Variants in PRG2 observed in about 807,000 individuals in gnomAD.
PRG2 encodes the protein bone marrow proteoglycan.
In PRG2, 23 loss-of-function variants were observed where a neutral mutation model predicts 24.7. The observed-to-expected ratio is 0.93, with a 90% CI of 0.67 to 1.32. PRG2 has a LOEUF of 1.32. Among genes scored for constraint, PRG2 ranks in the 40% most tolerant of loss-of-function variants. The pLI, the probability that PRG2 is intolerant of heterozygous loss-of-function variation, is 0.00. For synonymous variants in PRG2, 104 were observed against 99.8 expected (o/e 1.04, Z -0.25); for missense variants, 271 against 280.9 (o/e 0.96, Z 0.25).
At position 57,387,856 on chromosome 11, in the gene PRG2, T is replaced by G; in HGVS notation, c.508A>C (p.Arg170=). ...CTGCCGTCAACCCACTGAAAGCGTC[T>G]GCAGCGACCCTGGAGAAAGCAAGAG... ...GGRITGSGRC[R]RFQWVDGSRW... is the part of the protein sequence containing the mutation. The change falls in exon 5 of 6, where the codon AGA becomes CGA. Residue 170 remains arginine (R), a synonymous_variant. Transcript: ENST00000311862. The G allele has an allele frequency of 6.4e-7, 1 of 1,568,294 alleles. No individual in the cohort carries two copies. The highest frequency in any genetic ancestry group is 1.3e-5 in the African/African-American group (1 of 74,554).
Position 57,389,269 on chromosome 11 carries a change from G to A in PRG2, c.107C>T (p.Pro36Leu), listed in dbSNP as rs776620611. ...FETPLGAKTL[P>L]EDEETPEQEM... is the part of the protein sequence containing the mutation. ...CTGCTCTGGTGTCTCCTCATCCTCA[G>A]GCAGCGTCTTAGCACCCAAAGGGGT... Residue 36 changes from proline (P) to leucine (L), a missense_variant, in exon 3 of 6, where the codon CCT becomes CTT. Transcript: ENST00000311862. 26 of 1,613,984 alleles carry A rather than the reference G, an allele frequency of 1.6e-5. 1 individual carries two copies. The South Asian group carries it at 2.7e-4, about 17-fold the overall frequency.
Position 57,388,655 on chromosome 11 carries a change from A to T in PRG2, c.420T>A (p.Asn140Lys). 1 of 1,614,044 alleles carries T rather than the reference A, an allele frequency of 6.2e-7. No homozygotes were observed. Among genetic ancestry groups the T allele is most frequent in the Non-Finnish European group, 8.5e-7 (1 of 1,179,958 alleles). The change falls in exon 4 of 6, where the codon AAT (asparagine) becomes AAA (lysine). Residue 140 changes from asparagine to lysine, a missense_variant. Transcript: ENST00000311862. ...CAGAACACTGGATTCGATAATTAAT[A>T]TTGAAGTTGTGGATGGAAACCAGGT... ...RGNLVSIHNF[N>K]INYRIQCSVS...
intron 5 of PRG2, 69 bp from the exon 6 acceptor site, chr11:57,387,602 CT>C: frequency 6.7e-7 from 1 of 1,495,472 alleles, no homozygotes. Flanking sequence ...AGGAGGGCCT[CT>C]TTTCCCACCC....
In PRG2 at chr11:57,387,538, G is replaced by A. The variant is rs778342023; in HGVS notation, c.611-5C>T. The stretch of plus-strand genomic sequence containing the variant: ...GGGCTCGACGCCAGTGGCCTCCTGT[G>A]AAGGCAGAACAGAAAGGGACTTTCA... On this transcript the variant is annotated splice_region_variant and splice_polypyrimidine_tract_variant and intron_variant, in intron 5 of 5. Coordinates refer to ENST00000311862, the MANE Select transcript of PRG2 (RefSeq NM_002728.6). 3 of 1,612,962 alleles carry A rather than the reference G, an allele frequency of 1.9e-6. No individual in the cohort carries two copies. The highest frequency in any genetic ancestry group is 1.7e-5 in the Admixed American group (1 of 59,996).
Position 57,387,272 on chromosome 11 carries a change from A to C in PRG2, c.*203T>G. The C allele has an allele frequency of 1.9e-6, 1 of 526,440 alleles. No individual in the cohort carries two copies. The highest frequency in any genetic ancestry group is 3.3e-6 in the Non-Finnish European group (1 of 298,870). 32.6% of individuals were successfully genotyped at this position (526,440 alleles called of 1,614,324 possible). A position where few individuals can be genotyped will look rare whatever the true frequency, so the allele number is the denominator to read the frequency against. On this transcript the variant is annotated 3_prime_UTR_variant, in exon 6 of 6. Transcript: ENST00000311862. ...AGGAGTAGTAGCTTCTGACACTTCTATGAAAGTTGTGGTGTGGGGAGAGAT... is the reference window on the plus strand; with the variant it reads ...AGGAGTAGTAGCTTCTGACACTTCTCTGAAAGTTGTGGTGTGGGGAGAGAT...
Position 57,389,402 on chromosome 11 carries a change from G to C in PRG2, c.59-85C>G, listed in dbSNP as rs114258354. The C allele has an allele frequency of 5.1e-4, 718 of 1,411,620 alleles. 6 individuals are homozygous for C. The African/African-American group carries it at 9.4e-3, about 19-fold the overall frequency. 87.4% of individuals were successfully genotyped at this position (1,411,620 alleles called of 1,614,324 possible). A position where few individuals can be genotyped will look rare whatever the true frequency, so the allele number is the denominator to read the frequency against. On this transcript the variant is annotated intron_variant, in intron 2 of 5. Transcript: ENST00000311862. ...CCACAGACAGCTCACACCTTGCCCTGGGCATCAGAGTGCTCAACTCTGCCT... is the reference window on the plus strand; with the variant it reads ...CCACAGACAGCTCACACCTTGCCCTCGGCATCAGAGTGCTCAACTCTGCCT...
intron 3 of PRG2, 56 bp from the exon 4 acceptor site, chr11:57,388,764 T>G (rs1857098268): frequency 6.3e-7 from 1 of 1,598,898 alleles, no homozygotes; most frequent in Non-Finnish European, 8.5e-7. Context: ...TGAATTCACA[T>G]GGGTCTTGAG....
Position 57,389,015 on chromosome 11 carries a change from C to T in PRG2, c.361G>A (p.Ala121Thr). The T allele has an allele frequency of 6.2e-7, 1 of 1,613,410 alleles. No homozygotes were observed. Reference protein sequence around the residue: ...LVRSLQTFSQAWFTCRRCYRG... With the variant: ...LVRSLQTFSQTWFTCRRCYRG... ...CTCAGCCATAGGCCACTCACCCAAG[C>T]TTGACTAAACGTCTGAAGACTTCTC... The change falls in exon 3 of 6, where the codon GCT becomes ACT. Residue 121 changes from alanine (A) to threonine (T), a missense_variant. By Grantham distance (58) the Ala-to-Thr change is moderately conservative (BLOSUM62 0). Coordinates refer to ENST00000311862, the MANE Select transcript of PRG2 (RefSeq NM_002728.6).
chr11:57,388,164 T>C lies in PRG2; in HGVS notation c.499-299A>G, dbSNP rs541509568. Reference sequence around the variant, plus strand: ...CATGGTCTTGTTTTAATTTTTTTTTTATTTTATTTATTTATTTATTTATTT... The same window carrying C: ...CATGGTCTTGTTTTAATTTTTTTTTCATTTTATTTATTTATTTATTTATTT... On this transcript the variant is annotated intron_variant, in intron 4 of 5. Coordinates refer to ENST00000311862, the MANE Select transcript of PRG2 (RefSeq NM_002728.6). Among the ~76,000 whole-genome samples, 9 of 146,544 alleles carry C rather than the reference T, an allele frequency of 6.1e-5. No individual in the cohort carries two copies. The South Asian group carries it at 2.0e-3, about 32-fold the overall frequency.
chr11:57,389,113 G>T lies in PRG2; in HGVS notation c.263C>A (p.Thr88Lys). The T allele has an allele frequency of 1.2e-6, 2 of 1,614,182 alleles. No homozygotes were observed. Among genetic ancestry groups the T allele is most frequent in the South Asian group, 2.2e-5 (2 of 91,082 alleles). The change falls in exon 3 of 6, where the codon ACG becomes AAG. Residue 88 changes from threonine (T) to lysine (K), a missense_variant. Physicochemically the swap from Thr to Lys is moderately conservative, Grantham distance 78. Transcript: ENST00000311862. Reference sequence around the variant, plus strand: ...TACTGTGTCCTCTTCCTCAGGACACGTAAGGTTTTTGTCCACCATATCTGG... The same window carrying T: ...TACTGTGTCCTCTTCCTCAGGACACTTAAGGTTTTTGTCCACCATATCTGG... Reference protein sequence around the residue: ...SVPDMVDKNLTCPEEEDTVKV... With the variant: ...SVPDMVDKNLKCPEEEDTVKV...
chr11:57,389,425 C>T, intron 2 of PRG2, 108 bp from the exon 3 acceptor site: 1 of 1,242,520 alleles, frequency 8.0e-7, no homozygotes, highest in Non-Finnish European at 1.1e-6. Flanking sequence ...CTCAACTCTG[C>T]CTGGGAAGGG....
In PRG2 at chr11:57,389,892, T is replaced by C; in HGVS notation, c.53A>G (p.His18Arg). ...TGAAGGCAAAAAACACTTACTTAGA[T>C]GAAGAGCAGAAACTGCCCCAAATAG... ...ALLFGAVSAL[H>R]LRSETSTFET... The change falls in exon 2 of 6, where the codon CAT becomes CGT. Residue 18 changes from histidine to arginine, a missense_variant. Transcript: ENST00000311862. The C allele has an allele frequency of 6.2e-7, 1 of 1,610,230 alleles. No individual in the cohort carries two copies. The highest frequency in any genetic ancestry group is 8.5e-7 in the Non-Finnish European group (1 of 1,177,652).
chr11:57,388,497 AAAAC>A, intron 4 of PRG2, 76 bp downstream of exon 4: 1 of 1,580,644 alleles, frequency 6.3e-7, no homozygotes, highest in Non-Finnish European at 8.6e-7. Context: ...ATACAGGAGA[AAAAC>A]AGACAAATCT....
rs1374292687 is a variant in PRG2, at chr11:57,389,201, C to T, written c.175G>A (p.Glu59Lys). ...TPCRELEEEE[E>K]WGSGSEDASK... ...GCATCTTCACTTCCAGAGCCCCACT[C>T]CTCCTCTTCCTCCAGCTCCCTGCAA... Residue 59 changes from glutamate (E) to lysine (K), a missense_variant, in exon 3 of 6, where the codon GAG becomes AAG. Coordinates refer to ENST00000311862, the MANE Select transcript of PRG2 (RefSeq NM_002728.6). 3 of 1,614,216 alleles carry T rather than the reference C, an allele frequency of 1.9e-6. No homozygotes were observed. Among genetic ancestry groups the T allele is most frequent in the Non-Finnish European group, 2.5e-6 (3 of 1,180,038 alleles).
chr11:57,388,353 T>C (rs1857088240), intron 4 of PRG2, among the ~76,000 whole-genome samples: 1 of 151,956 alleles, frequency 6.6e-6, no homozygotes, highest in Non-Finnish European at 1.5e-5. Flanking sequence ...TTAAGTTACA[T>C]AGATAGTGAG....
chr11:57,389,601 C>G (rs767990390), intron 2 of PRG2, among the ~76,000 whole-genome samples: 2 of 152,110 alleles, frequency 1.3e-5, no homozygotes, highest in Non-Finnish European at 2.9e-5. Flanking sequence ...TACTTCATGG[C>G]GATGCTAAGA....
chr11:57,388,390 C>G (rs1047794596), intron 4 of PRG2, among the ~76,000 whole-genome samples, 187 bp downstream of exon 4: 3 of 152,114 alleles, frequency 2.0e-5, no homozygotes, highest in Non-Finnish European at 4.4e-5. Context: ...GGACCCAAAC[C>G]TCCTGATTCT....
intron 2 of PRG2, 81 bp downstream of exon 2, chr11:57,389,806 G>T: frequency 8.1e-7 from 1 of 1,233,696 alleles, no homozygotes; most frequent in Non-Finnish European, 1.2e-6. Flanking sequence ...CAAAGAAGGG[G>T]GTGGGTGTGT....
rs778271382 is a variant in PRG2, at chr11:57,387,858, C to T, written c.506G>A (p.Cys169Tyr). 1 of 1,566,684 alleles carries T rather than the reference C, an allele frequency of 6.4e-7. No homozygotes were observed. Among genetic ancestry groups the T allele is most frequent in the African/African-American group, 1.3e-5 (1 of 74,518 alleles). Residue 169 changes from cysteine (C) to tyrosine (Y), a missense_variant, in exon 5 of 6, where the codon TGC becomes TAC. By Grantham distance (194) the Cys-to-Tyr change is radical (BLOSUM62 -2). Transcript: ENST00000311862. ...GCCGTCAACCCACTGAAAGCGTCTG[C>T]AGCGACCCTGGAGAAAGCAAGAGGG... ...IGGRITGSGRCRRFQWVDGSR... is the reference protein window; with the variant it reads ...IGGRITGSGRYRRFQWVDGSR...
Sources: allele counts gnomAD v4.1 joint callset (sites outside exome capture counted in the v4.1 genomes callset), GRCh38; gene constraint gnomAD v4.1.1; transcripts MANE v1.5; gene names NCBI Gene and HGNC (gene_info 2026-07-23, HGNC 2026-07-21).